FBXL17: variants seen among roughly 807,000 people sequenced by gnomAD.
The protein encoded by FBXL17 is F-box/LRR-repeat protein 17.
In FBXL17, 22 loss-of-function variants were observed where a neutral mutation model predicts 66.2. The observed-to-expected ratio is 0.33, with a 90% CI of 0.24 to 0.47. FBXL17 has a LOEUF of 0.47. Among genes scored for constraint, FBXL17 ranks in the 20% least tolerant of loss-of-function variants. The pLI is 1.00. For missense variants in FBXL17, 878 were observed against 948.2 expected, an observed-to-expected ratio of 0.93 and a Z score of 0.97; for synonymous variants, 474 against 400.5, an observed-to-expected ratio of 1.18 and a Z score of -2.19.
intron 8 of FBXL17, chr5:107,880,739 A>T: frequency 7.8e-7 from 1 of 1,285,346 alleles, no homozygotes; most frequent in Non-Finnish European, 9.8e-7. Flanking sequence ...AATCTTTTAC[A>T]TTTTGGTCCA....
intron 7 of FBXL17, among the ~76,000 whole-genome samples, chr5:107,968,314 G>A (rs1042589086): frequency 2.0e-5 from 3 of 152,130 alleles, no homozygotes; most frequent in African/African-American, 7.2e-5. Flanking sequence ...TAAGCTGTGT[G>A]TGCAGATTAA....
intron 4 of FBXL17, among the ~76,000 whole-genome samples, chr5:108,247,051 T>TAATGCACACTTTCAAA (rs1212914864): frequency 6.6e-6 from 1 of 152,150 alleles, no homozygotes; most frequent in Non-Finnish European, 1.5e-5. Context: ...AACTACATAG[T>TAATGCACACTTTCAAA]AATGCACACT....
intron 4 of FBXL17, among the ~76,000 whole-genome samples, chr5:108,245,054 T>C (rs1580682742): frequency 6.6e-6 from 1 of 152,304 alleles, no homozygotes; most frequent in South Asian, 2.1e-4. Flanking sequence ...AAGTTTCTTA[T>C]TTGTAAAGGA....
intron 7 of FBXL17, among the ~76,000 whole-genome samples, chr5:107,937,455 G>C (rs577763535): frequency 6.6e-6 from 1 of 152,114 alleles, no homozygotes; most frequent in Non-Finnish European, 1.5e-5. Context: ...GTTGTAGGTT[G>C]TCATGGGAGC....
intron 6 of FBXL17, among the ~76,000 whole-genome samples, chr5:108,179,728 A>C (rs1271048638): frequency 6.6e-6 from 1 of 152,224 alleles, no homozygotes; most frequent in Non-Finnish European, 1.5e-5. Flanking sequence ...TTTAAGCTGC[A>C]TTCTGTCTCC....
chr5:108,098,954 A>G (rs1156728623), intron 6 of FBXL17, among the ~76,000 whole-genome samples: 1 of 152,058 alleles, frequency 6.6e-6, no homozygotes, highest in African/African-American at 2.4e-5. Context: ...AAGATCAGTT[A>G]CTTAGGCTCT....
intron 7 of FBXL17, among the ~76,000 whole-genome samples, chr5:107,971,553 C>T (rs1752374112): frequency 6.6e-6 from 1 of 152,082 alleles, no homozygotes; most frequent in Non-Finnish European, 1.5e-5. Context: ...GTGTTCGCCC[C>T]TGATTCTCTT....
intron 6 of FBXL17, among the ~76,000 whole-genome samples, chr5:108,182,141 C>A (rs1338328796): frequency 6.6e-6 from 1 of 152,152 alleles, no homozygotes; most frequent in South Asian, 2.1e-4. Flanking sequence ...TTGAGAACAG[C>A]AGGAACTCAG....
At chr5:108,373,173 T>A (rs901096941) in intron 1 of FBXL17, among the ~76,000 whole-genome samples, 1 of 146,116 alleles carries the variant, frequency 6.8e-6, no homozygotes. Flanking sequence ...AATTCTCATA[T>A]ATACATATTC....
intron 6 of FBXL17, among the ~76,000 whole-genome samples, chr5:108,137,849 C>A (rs1055705552): frequency 9.2e-5 from 14 of 152,094 alleles, no homozygotes; most frequent in African/African-American, 3.1e-4. Flanking sequence ...AGGTCCAGTA[C>A]GAACTGGATG....
At chr5:108,118,764 C>CT (rs1561419269) in intron 6 of FBXL17, among the ~76,000 whole-genome samples, 1 of 152,210 alleles carries the variant, frequency 6.6e-6, no homozygotes, top group East Asian at 1.9e-4. Flanking sequence ...CTAGACCCCT[C>CT]TCTCACTATC....
intron 4 of FBXL17, among the ~76,000 whole-genome samples, chr5:108,229,390 T>C (rs1755231826): frequency 6.6e-6 from 1 of 152,078 alleles, no homozygotes; most frequent in Non-Finnish European, 1.5e-5. Flanking sequence ...TGGAACAGAA[T>C]AGAGAACCCA....
At chr5:108,152,675 A>G (rs1340004292) in intron 6 of FBXL17, among the ~76,000 whole-genome samples, 1 of 152,158 alleles carries the variant, frequency 6.6e-6, no homozygotes, top group Non-Finnish European at 1.5e-5. Flanking sequence ...AAAGTACCAT[A>G]GAGAGAAAAA....
chr5:108,190,399 G>A (rs1294141840), intron 5 of FBXL17, among the ~76,000 whole-genome samples: 1 of 152,192 alleles, frequency 6.6e-6, no homozygotes, highest in Non-Finnish European at 1.5e-5. Flanking sequence ...GTCTGAGACA[G>A]AGACAGACAG....
intron 7 of FBXL17, among the ~76,000 whole-genome samples, chr5:107,946,281 A>T (rs1387325311): frequency 3.5e-5 from 3 of 84,716 alleles, no homozygotes; most frequent in African/African-American, 4.9e-5. Flanking sequence ...ATATATATAT[A>T]TATATATATA....
At chr5:107,900,886 A>G (rs2112531883) in intron 7 of FBXL17, among the ~76,000 whole-genome samples, 1 of 152,308 alleles carries the variant, frequency 6.6e-6, no homozygotes, top group South Asian at 2.1e-4. Context: ...AACAGATTTT[A>G]TTAGATGCTA....
rs544502839 is a variant in FBXL17, at chr5:108,259,399, T to A, written c.1507-35171A>T. 2.4e-4 allele frequency among the ~76,000 whole-genome samples: 36 copies of A among 152,278 alleles called. 1 individual carries two copies. In the South Asian group the frequency reaches 7.2e-3, roughly 31 times the overall value. On this transcript the variant is annotated intron_variant, in intron 4 of 8. Transcript: ENST00000542267. ...AAGCATTCAGAGGATTCCAATGTTT[T>A]AAAAACATAATGTATCCTCAATGTA...
intron 7 of FBXL17, among the ~76,000 whole-genome samples, chr5:107,955,493 C>T (rs1751633381): frequency 6.6e-6 from 1 of 152,182 alleles, no homozygotes; most frequent in African/African-American, 2.4e-5. Context: ...AGAGCTATTG[C>T]AGTGCGCTGT....
chr5:108,150,280 T>C (rs1390204868), intron 6 of FBXL17, among the ~76,000 whole-genome samples: 1 of 152,140 alleles, frequency 6.6e-6, no homozygotes, highest in Non-Finnish European at 1.5e-5. Context: ...CCAATCATAC[T>C]GCAGCTTCAA....
Sources: gnomAD v4.1 joint callset for allele counts (sites outside exome capture counted in the v4.1 genomes callset) on GRCh38, gnomAD v4.1.1 for gene constraint, MANE v1.5 for transcripts, NCBI Gene and HGNC (gene_info 2026-07-23, HGNC 2026-07-21) for gene names.